GRIK1: variants seen among roughly 807,000 people sequenced by gnomAD.
GRIK1 encodes glutamate receptor ionotropic, kainate 1.
Under a neutral mutation model 105.7 loss-of-function variants are expected in GRIK1, and 69 were observed. The ratio of observed to expected loss-of-function variants is 0.65; its 90% CI spans 0.54 to 0.80. GRIK1 has a LOEUF of 0.80. Ranked by LOEUF, GRIK1 falls within the 30% of genes least tolerant of loss-of-function variation. The pLI, the probability that GRIK1 is intolerant of heterozygous loss-of-function variation, is 0.00. For missense variants in GRIK1, 1,109 were observed against 1,167.3 expected, an observed-to-expected ratio of 0.95 and a Z score of 0.73; for synonymous variants, 438 against 431.3, an observed-to-expected ratio of 1.02 and a Z score of -0.19.
intron 1 of GRIK1, among the ~76,000 whole-genome samples, chr21:29,783,198 A>T (rs2066170959): frequency 6.6e-6 from 1 of 152,174 alleles, no homozygotes; most frequent in Non-Finnish European, 1.5e-5. Context: ...TTCTTCCTGT[A>T]AATTTCCTGT....
chr21:29,614,890 C>G (rs553930080), intron 7 of GRIK1, among the ~76,000 whole-genome samples: 8 of 151,598 alleles, frequency 5.3e-5, no homozygotes, highest in African/African-American at 1.7e-4. Flanking sequence ...CTCTCTCTCC[C>G]TAAAAATTCT....
chr21:29,781,912 C>T (rs928566990), intron 1 of GRIK1, among the ~76,000 whole-genome samples: 2 of 147,464 alleles, frequency 1.4e-5, no homozygotes, highest in South Asian at 2.2e-4. Flanking sequence ...CCTCATGATC[C>T]ACCCGCCTCG....
chr21:29,812,500 G>C (rs978315634), intron 1 of GRIK1, among the ~76,000 whole-genome samples: 3 of 152,102 alleles, frequency 2.0e-5, no homozygotes, highest in African/African-American at 7.2e-5. Flanking sequence ...CTGGTAATGA[G>C]TTACTTCCAA....
chr21:29,730,445 T>A (rs1045467300), intron 1 of GRIK1, among the ~76,000 whole-genome samples: 1 of 152,224 alleles, frequency 6.6e-6, no homozygotes, highest in African/African-American at 2.4e-5. Flanking sequence ...TTCTGAAGAA[T>A]AGTTTTCAAT....
chr21:29,791,898 A>G (rs533211319), intron 1 of GRIK1, among the ~76,000 whole-genome samples: 120 of 152,336 alleles, frequency 7.9e-4, no homozygotes, highest in African/African-American at 2.5e-3. Flanking sequence ...ATGATACTAT[A>G]AATATAACAA....
chr21:29,550,034 G>A (rs2090106112), intron 16 of GRIK1, among the ~76,000 whole-genome samples: 1 of 145,782 alleles, frequency 6.9e-6, no homozygotes, highest in African/African-American at 2.5e-5. Context: ...CTTGAACCCA[G>A]GAGGCAGAGG....
intron 16 of GRIK1, among the ~76,000 whole-genome samples, chr21:29,538,489 A>C (rs1226510383): frequency 2.0e-5 from 3 of 152,110 alleles, no homozygotes; most frequent in African/African-American, 7.2e-5. Flanking sequence ...AGTTCTGGAG[A>C]TCTTCTGTAC....
At position 29,740,985 on chromosome 21, in the gene GRIK1, A is replaced by G. The variant is rs1286818123; in HGVS notation, c.119-46922T>C. On this transcript the variant is annotated intron_variant, in intron 1 of 17. Transcript: ENST00000327783. ...TGAAGATGTAGAAACCAACTCCCTT[A>G]AACACCTTACTGCTCTTGTTTCTCT... 2.6e-5 allele frequency among the ~76,000 whole-genome samples: 4 copies of G among 152,202 alleles called. No homozygotes were observed. The South Asian group carries it at 8.3e-4, about 32-fold the overall frequency.
intron 1 of GRIK1, among the ~76,000 whole-genome samples, chr21:29,732,514 T>C (rs2064660134): frequency 6.6e-6 from 1 of 152,182 alleles, no homozygotes; most frequent in Admixed American, 6.6e-5. Flanking sequence ...TAACAATCTG[T>C]CTTTGAGTTG....
chr21:29,579,955 ATG>A lies in GRIK1; in HGVS notation c.1912+1468_1912+1469del, dbSNP rs112251097. On this transcript the variant is annotated intron_variant, in intron 13 of 17. Transcript: ENST00000327783. ...CTCTGTGAAACCTAAAAGTATATAT[ATG>A]TGTGTGTGTATATATATATATATAT... Among the ~76,000 whole-genome samples the A allele has an allele frequency of 8.4e-3, 1,156 of 137,674 alleles. 12 individuals are homozygous for A. Among genetic ancestry groups the A allele is most frequent in the African/African-American group, 0.024 (839 of 34,276 alleles). The allele number at this position is 137,674 out of a possible 152,430, so 90.3% of individuals were successfully genotyped here. A position where few individuals can be genotyped will look rare whatever the true frequency, so the allele number is the denominator to read the frequency against.
At chr21:29,566,784 T>C (rs2090620997) in intron 14 of GRIK1, among the ~76,000 whole-genome samples, 1 of 152,204 alleles carries the variant, frequency 6.6e-6, no homozygotes, top group South Asian at 2.1e-4. Context: ...ATTTCTCTTT[T>C]ATAGATGAGG....
At chr21:29,867,845 AAG>A (rs1469162205) in intron 1 of GRIK1, among the ~76,000 whole-genome samples, 24 of 149,274 alleles carry the variant, frequency 1.6e-4, no homozygotes, top group East Asian at 5.9e-4. Flanking sequence ...AGAAAGAAGG[AAG>A]GAAAGAGAGA....
At chr21:29,774,524 T>C (rs1172202037) in intron 1 of GRIK1, among the ~76,000 whole-genome samples, 1 of 144,640 alleles carries the variant, frequency 6.9e-6, no homozygotes, top group African/African-American at 2.5e-5. Context: ...CGATCTCGGC[T>C]CACTGCAACC....
intron 1 of GRIK1, among the ~76,000 whole-genome samples, chr21:29,759,242 C>T (rs950413785): frequency 8.6e-5 from 13 of 151,796 alleles, no homozygotes; most frequent in Admixed American, 2.0e-4. Flanking sequence ...CTCAGCCTCC[C>T]GAGTAGCTGG....
At chr21:29,808,639 T>C (rs1394412927) in intron 1 of GRIK1, among the ~76,000 whole-genome samples, 1 of 152,182 alleles carries the variant, frequency 6.6e-6, no homozygotes, top group Admixed American at 6.6e-5. Flanking sequence ...AATGCCAGTG[T>C]TCCTCCTTCA....
At chr21:29,867,910 GAGAGAGAA>G (rs1210340492) in intron 1 of GRIK1, among the ~76,000 whole-genome samples, 1 of 108,352 alleles carries the variant, frequency 9.2e-6, no homozygotes, top group African/African-American at 3.6e-5. Context: ...GAGAAAGAAA[GAGAGAGAA>G]AGAGAGAAAG....
intron 1 of GRIK1, among the ~76,000 whole-genome samples, chr21:29,834,605 G>T (rs2067729906): frequency 6.6e-6 from 1 of 150,718 alleles, no homozygotes; most frequent in Non-Finnish European, 1.5e-5. Flanking sequence ...TTCAAATCAT[G>T]GCTCTGGCAG....
intron 7 of GRIK1, among the ~76,000 whole-genome samples, chr21:29,637,341 G>T (rs2062417515): frequency 6.6e-6 from 1 of 152,166 alleles, no homozygotes; most frequent in Admixed American, 6.5e-5. Context: ...TATCCAGCTG[G>T]AACCTAATCT....
At chr21:29,924,327 A>G (rs1308100655) in intron 1 of GRIK1, among the ~76,000 whole-genome samples, 2 of 149,136 alleles carry the variant, frequency 1.3e-5, no homozygotes, top group Non-Finnish European at 3.0e-5. Flanking sequence ...ACACAGTGAG[A>G]CTGGCTCAAA....
Sources: gnomAD v4.1 joint callset for allele counts (sites outside exome capture counted in the v4.1 genomes callset) on GRCh38, gnomAD v4.1.1 for gene constraint, MANE v1.5 for transcripts, NCBI Gene and HGNC (gene_info 2026-07-23, HGNC 2026-07-21) for gene names.